The following TAP1 variants were observed in gnomAD, a reference collection of about 807,000 sequenced individuals.
TAP1 encodes transporter 1, ATP binding cassette subfamily B member, also known as antigen peptide transporter 1.
In TAP1, 56 loss-of-function variants were observed where a neutral mutation model predicts 79.3. The ratio of observed to expected loss-of-function variants is 0.71; its 90% CI spans 0.57 to 0.88. The LOEUF (loss-of-function observed/expected upper bound fraction) is 0.88, where lower values mean the gene tolerates loss of function less well. TAP1 is among the 40% of genes least tolerant of loss of function. The probability of loss-of-function intolerance (pLI) is 0.00; values close to 1 mark genes in which losing one functional copy is unlikely to be tolerated. For missense variants in TAP1, 737 were observed against 936.3 expected (o/e 0.79, Z 2.78); for synonymous variants, 355 against 401.4 (o/e 0.88, Z 1.38).
chr6:32,850,915 T>C lies in TAP1; in HGVS notation c.1050+29A>G. The C allele has an allele frequency of 6.3e-7, 1 of 1,598,410 alleles. No individual in the cohort carries two copies. Among genetic ancestry groups the C allele is most frequent in the Non-Finnish European group, 8.6e-7 (1 of 1,168,094 alleles). Reference sequence around the variant, plus strand: ...GCCAAGTCTGGGAGATGAGGGTCTGTGTAGAGCGGGCCAACTCCATGAACA... The same window carrying C: ...GCCAAGTCTGGGAGATGAGGGTCTGCGTAGAGCGGGCCAACTCCATGAACA... On this transcript the variant is annotated intron_variant, in intron 4 of 10. Coordinates refer to ENST00000354258, the MANE Select transcript of TAP1 (RefSeq NM_000593.6). This position sits in a 1 kb window ranked among gnomAD's most constrained non-coding sequence, Gnocchi z 5.5.
At position 32,847,056 on chromosome 6, in the gene TAP1, T is replaced by C. The variant is rs1421889197; in HGVS notation, c.2040+12A>G. ...GGGTGGGATATAGCCATTAAGAAGATGACTGCCTCACCTGTAACTGGCTGT... is the reference window on the plus strand; with the variant it reads ...GGGTGGGATATAGCCATTAAGAAGACGACTGCCTCACCTGTAACTGGCTGT... On this transcript the variant is annotated intron_variant, in intron 10 of 10. Transcript: ENST00000354258. The surrounding 1 kb of genome is among the most constrained non-coding windows in gnomAD (Gnocchi z 4.7). 1.2e-6 allele frequency: 2 copies of C among 1,612,206 alleles called. No homozygotes were observed. The highest frequency in any genetic ancestry group is 1.7e-5 in the Admixed American group (1 of 60,022).
Position 32,847,504 on chromosome 6 carries a change from A to C in TAP1, c.1903+9T>G, listed in dbSNP as rs748029740. On this transcript the variant is annotated intron_variant, in intron 9 of 10. Transcript: ENST00000354258. This position sits in a 1 kb window ranked among gnomAD's most constrained non-coding sequence, Gnocchi z 4.7. ...GATGGCTGGGTGGTGAGATGAGTGGAGAGAGTACCTGTGTCATAGCCCTGA... is the reference window on the plus strand; with the variant it reads ...GATGGCTGGGTGGTGAGATGAGTGGCGAGAGTACCTGTGTCATAGCCCTGA... 6.2e-7 allele frequency: 1 copy of C among 1,613,272 alleles called. No homozygotes were observed. The highest frequency in any genetic ancestry group is 8.5e-7 in the Non-Finnish European group (1 of 1,180,020).
In TAP1 at chr6:32,853,512, CG is replaced by C; in HGVS notation, c.124del (p.Arg42AlafsTer21). ...GGTGGGCACCAGCAGGGAGAATATG[CG>C]GGGCAGCGCGGTCCGGAGCAGCACC... ...DWVLLRTALP[R>X]IFSLLVPTAL... is the part of the protein sequence containing the mutation. On this transcript the variant is annotated frameshift_variant, in exon 1 of 11. Coordinates refer to ENST00000354258, the MANE Select transcript of TAP1 (RefSeq NM_000593.6). LOFTEE classifies it high-confidence loss of function. This position sits in a 1 kb window ranked among gnomAD's most constrained non-coding sequence, Gnocchi z 8.3. 1 of 1,609,300 alleles carries C rather than the reference CG, an allele frequency of 6.2e-7. No homozygotes were observed. Among genetic ancestry groups the C allele is most frequent in the Non-Finnish European group, 8.5e-7 (1 of 1,177,234 alleles).
intron 5 of TAP1, chr6:32,849,441 GA>G: frequency 2.4e-6 from 1 of 421,616 alleles, no homozygotes; most frequent in Non-Finnish European, 4.4e-6. Flanking sequence ...CTCCATTTTT[GA>G]AAAATGAGGA....
chr6:32,845,383 A>G lies in TAP1; in HGVS notation c.*196T>C. On this transcript the variant is annotated 3_prime_UTR_variant, in exon 11 of 11. Transcript: ENST00000354258. The surrounding 1 kb of genome is among the most constrained non-coding windows in gnomAD (Gnocchi z 4.5). ...CAGCCCTGGCTCTAAACTCCGTTAC[A>G]GTAAGGAATTACAAATCCTGTGTTT... 2 of 661,246 alleles carry G rather than the reference A, an allele frequency of 3.0e-6. No homozygotes were observed. Among genetic ancestry groups the G allele is most frequent in the South Asian group, 1.7e-5 (1 of 60,586 alleles). The allele number at this position is 661,246 out of a possible 1,614,324, so 41.0% of individuals were successfully genotyped here.
In TAP1 at chr6:32,848,098, G is replaced by A; in HGVS notation, c.1567-6C>T. 1.3e-6 allele frequency: 2 copies of A among 1,592,152 alleles called. No individual in the cohort carries two copies. The highest frequency in any genetic ancestry group is 1.7e-6 in the Non-Finnish European group (2 of 1,169,406). Reference sequence around the variant, plus strand: ...CGTAGGGTGAATGTCAGCCCCTAGAGGCCAGAGAAGCACACGATAAGAGGC... The same window carrying A: ...CGTAGGGTGAATGTCAGCCCCTAGAAGCCAGAGAAGCACACGATAAGAGGC... On this transcript the variant is annotated splice_region_variant and splice_polypyrimidine_tract_variant and intron_variant, in intron 7 of 10. Coordinates refer to ENST00000354258, the MANE Select transcript of TAP1 (RefSeq NM_000593.6).
Position 32,845,294 on chromosome 6 carries a change from C to G in TAP1, c.*285G>C. On this transcript the variant is annotated 3_prime_UTR_variant, in exon 11 of 11. Transcript: ENST00000354258. This position sits in a 1 kb window ranked among gnomAD's most constrained non-coding sequence, Gnocchi z 4.5. The stretch of plus-strand genomic sequence containing the variant: ...ATGCCTTCAGTTATGTTGAAAATAG[C>G]TGATCATCTTTCCGTACATTCTGAA... The G allele has an allele frequency of 1.8e-6, 1 of 564,356 alleles. No homozygotes were observed. The allele number at this position is 564,356 out of a possible 1,614,324, so 35.0% of individuals were successfully genotyped here.
At chr6:32,849,913 T>G (rs1213791414) in intron 5 of TAP1, 2 of 287,782 alleles carry the variant, frequency 6.9e-6, no homozygotes, top group African/African-American at 2.1e-5. Context: ...CTCTTTCCAG[T>G]GCATCACAGA....
In TAP1 at chr6:32,850,901, G is replaced by A. The variant is rs2071538; in HGVS notation, c.1050+43C>T. ...GAGGAACTGAGTCTGCCAAGTCTGG[G>A]AGATGAGGGTCTGTGTAGAGCGGGC... is the stretch of plus-strand genomic sequence containing the variant. On this transcript the variant is annotated intron_variant, in intron 4 of 10. Transcript: ENST00000354258. The surrounding 1 kb of genome is among the most constrained non-coding windows in gnomAD (Gnocchi z 5.5). 326,106 of 1,556,828 alleles carry A rather than the reference G, an allele frequency of 0.21. 37,059 individuals carry two copies. Among genetic ancestry groups the A allele is most frequent in the Non-Finnish European group, 0.23 (259,370 of 1,130,920 alleles).
In TAP1 at chr6:32,848,820, G is replaced by T. The variant is rs374008463; in HGVS notation, c.1398C>A (p.Pro466=). 1.4e-4 allele frequency: 225 copies of T among 1,613,838 alleles called. No individual in the cohort carries two copies. Among genetic ancestry groups the T allele is most frequent in the Non-Finnish European group, 1.8e-4 (214 of 1,180,034 alleles). The change falls in exon 7 of 11, where the codon CCC becomes CCA. Residue 466 remains proline (P), a synonymous_variant. Coordinates refer to ENST00000354258, the MANE Select transcript of TAP1 (RefSeq NM_000593.6). ...AGGAGCCCACAGCCTTCTGTACTCT[G>T]GGGTAGATGGAGAGCAGTACCTAGA... ...QAVEVLLSIY[P]RVQKAVGSSE... is the part of the protein sequence containing the mutation.
chr6:32,845,972 A>G lies in TAP1; in HGVS notation c.2041-187T>C, dbSNP rs992192771. 4.1e-5 allele frequency: 26 copies of G among 636,608 alleles called. No individual in the cohort carries two copies. Among genetic ancestry groups the G allele is most frequent in the Non-Finnish European group, 6.5e-5 (23 of 351,926 alleles). The allele number at this position is 636,608 out of a possible 1,614,324, so 39.4% of individuals were successfully genotyped here. A position where few individuals can be genotyped will look rare whatever the true frequency, so the allele number is the denominator to read the frequency against. ...TTTGTTTCATTAAGGACTGTTTTAC[A>G]TGAAGGGTGCAAAAGTAGGATAAAA... On this transcript the variant is annotated intron_variant, in intron 10 of 10. Transcript: ENST00000354258. This position sits in a 1 kb window ranked among gnomAD's most constrained non-coding sequence, Gnocchi z 4.5.
Position 32,853,187 on chromosome 6 carries a change from T to C in TAP1, c.450A>G (p.Ala150=), listed in dbSNP as rs1770906121. 6.2e-7 allele frequency: 1 copy of C among 1,612,332 alleles called. No homozygotes were observed. Among genetic ancestry groups the C allele is most frequent in the Admixed American group, 1.7e-5 (1 of 59,932 alleles). ...FVVSYAAALP[A]AALWHKLGSL... ...TCCCGAGTTTGTGCCACAGGGCTGC[T>C]GCGGGCAGTGCCGCTGCATAACTGA... The change falls in exon 1 of 11, where the codon GCA becomes GCG. Residue 150 remains alanine (A), a synonymous_variant. Coordinates refer to ENST00000354258, the MANE Select transcript of TAP1 (RefSeq NM_000593.6). The surrounding 1 kb of genome is among the most constrained non-coding windows in gnomAD (Gnocchi z 8.3).
chr6:32,852,410 T>C lies in TAP1; in HGVS notation c.691A>G (p.Met231Val). Residue 231 changes from methionine (M) to valine (V), a missense_variant, in exon 2 of 11, where the codon ATG becomes GTG. Met to Val is a conservative substitution (Grantham distance 21). This residue lies in a region of TAP1 where 406 missense variants were observed against 477.2 expected (regional missense o/e 0.85). Coordinates refer to ENST00000354258, the MANE Select transcript of TAP1 (RefSeq NM_000593.6). The surrounding 1 kb of genome is among the most constrained non-coding windows in gnomAD (Gnocchi z 4.8). Reference protein sequence around the residue: ...ADTFTRNLTLMSILTIASAVL... With the variant: ...ADTFTRNLTLVSILTIASAVL... Reference sequence around the variant, plus strand: ...GACCTGGCTATGGTGAGAATGGACATGAGAGTTAAGTTTCGAGTGAAGGTA... The same window carrying C: ...GACCTGGCTATGGTGAGAATGGACACGAGAGTTAAGTTTCGAGTGAAGGTA... 2 of 1,609,830 alleles carry C rather than the reference T, an allele frequency of 1.2e-6. No homozygotes were observed. The highest frequency in any genetic ancestry group is 1.7e-6 in the Non-Finnish European group (2 of 1,177,146).
Position 32,851,780 on chromosome 6 carries a change from A to G in TAP1, c.844+329T>C, listed in dbSNP as rs186298721. Among the ~76,000 whole-genome samples, 88 of 152,332 alleles carry G rather than the reference A, an allele frequency of 5.8e-4. 4 individuals carry two copies. The South Asian group carries it at 0.018, about 30-fold the overall frequency. On this transcript the variant is annotated intron_variant, in intron 3 of 10. Coordinates refer to ENST00000354258, the MANE Select transcript of TAP1 (RefSeq NM_000593.6). The surrounding 1 kb of genome is among the most constrained non-coding windows in gnomAD (Gnocchi z 4.8). Reference sequence around the variant, plus strand: ...TCAAAATTTCCAGGTTTGAAATTCTATGGTTTCTATCTAAGGATACATAGG... The same window carrying G: ...TCAAAATTTCCAGGTTTGAAATTCTGTGGTTTCTATCTAAGGATACATAGG...
Position 32,847,447 on chromosome 6 carries a change from G to C in TAP1, c.1903+66C>G. The C allele has an allele frequency of 6.2e-7, 1 of 1,608,024 alleles. No homozygotes were observed. The highest frequency in any genetic ancestry group is 1.7e-5 in the Admixed American group (1 of 60,012). ...GAGTAAGGAGGAACTGAAGGATAAA[G>C]GCAAGACTACTGGGGTTTCAGCAAA... On this transcript the variant is annotated intron_variant, in intron 9 of 10. Coordinates refer to ENST00000354258, the MANE Select transcript of TAP1 (RefSeq NM_000593.6). This position sits in a 1 kb window ranked among gnomAD's most constrained non-coding sequence, Gnocchi z 4.7.
intron 5 of TAP1, chr6:32,849,843 T>C (rs773195551): frequency 2.2e-5 from 4 of 182,614 alleles, no homozygotes; most frequent in Non-Finnish European, 4.7e-5. Context: ...TTTGTTGTCA[T>C]GATCACAAGA....
intron 6 of TAP1, 47 bp from the exon 7 acceptor site, chr6:32,848,887 C>G: frequency 6.2e-7 from 1 of 1,612,882 alleles, no homozygotes; most frequent in South Asian, 1.1e-5. Flanking sequence ...TGCTTGCCAG[C>G]ATTATGTGAA....
At chr6:32,848,251 C>A (rs17213826) in intron 7 of TAP1, 159 bp from the exon 8 acceptor site, 16 of 934,626 alleles carry the variant, frequency 1.7e-5, no homozygotes, top group Non-Finnish European at 1.6e-6. Context: ...GGTGATGCCT[C>A]CCCAAGGAGT....
chr6:32,851,924 T>TGTGTGAGAGAGAGAGAGA lies in TAP1; in HGVS notation c.844+184_844+185insTCTCTCTCTCTCTCACAC, dbSNP rs1554246364. ...AAAAACAATTGTGTGTGTGTGTGTG[T>TGTGTGAGAGAGAGAGAGA]GAGAGAGAGAGAGAGAGAGACAGAG... On this transcript the variant is annotated intron_variant, in intron 3 of 10. Coordinates refer to ENST00000354258, the MANE Select transcript of TAP1 (RefSeq NM_000593.6). The surrounding 1 kb of genome is among the most constrained non-coding windows in gnomAD (Gnocchi z 4.8). 1.5e-3 allele frequency among the ~76,000 whole-genome samples: 226 copies of TGTGTGAGAGAGAGAGAGA among 147,422 alleles called. No individual in the cohort carries two copies. Among genetic ancestry groups the TGTGTGAGAGAGAGAGAGA allele is most frequent in the East Asian group, 0.014 (69 of 5,024 alleles).
Sources: gnomAD v4.1 joint callset for allele counts (sites outside exome capture counted in the v4.1 genomes callset) on GRCh38, gnomAD v4.1.1 for gene constraint, gnomAD v4.1.1 regional missense constraint, Gnocchi (gnomAD v3.1) non-coding constraint, MANE v1.5 for transcripts, NCBI Gene and HGNC (gene_info 2026-07-23, HGNC 2026-07-21) for gene names.